The following TRIM5 variants were observed in gnomAD, a reference collection of about 807,000 sequenced individuals.
TRIM5 encodes the protein tripartite motif containing 5.
A neutral mutation model predicts 35.6 loss-of-function variants in TRIM5; 31 were observed. The observed-to-expected ratio is 0.87, with a 90% CI of 0.65 to 1.18. The LOEUF is 1.18. Among genes scored for constraint, TRIM5 ranks in the 50% most tolerant of loss-of-function variants. The pLI is 0.00. For synonymous variants in TRIM5, 243 were observed against 215.6 expected (o/e 1.13, Z -1.11); for missense variants, 609 against 591.6 (o/e 1.03, Z -0.31).
downstream of TRIM5, among the ~76,000 whole-genome samples, chr11:5,661,428 C>T (rs893395428): frequency 7.9e-5 from 12 of 152,122 alleles, no homozygotes; most frequent in Non-Finnish European, 1.6e-4. Flanking sequence ...TTTGTCCTCC[C>T]ACTGGTTTCT....
At chr11:5,645,639 G>A in the TRIM5 span, 1 of 157,880 alleles carries the variant, frequency 6.3e-6, no homozygotes, top group East Asian at 1.8e-4. Flanking sequence ...AAGGTCTAAT[G>A]TTTTGGGTCA....
chr11:5,670,170 C>CTTTTTTTT (rs3060972), intron 4 of TRIM5, among the ~76,000 whole-genome samples: 11 of 60,234 alleles, frequency 1.8e-4, no homozygotes, highest in African/African-American at 2.9e-4. Context: ...AGATGCCCAT[C>CTTTTTTTT]TTTTTTTTTT....
the TRIM5 span, among the ~76,000 whole-genome samples, chr11:5,657,264 G>C: frequency 6.6e-6 from 1 of 151,730 alleles, no homozygotes; most frequent in Non-Finnish European, 1.5e-5. Context: ...TGAACAATGT[G>C]AACACATGGA....
chr11:5,613,117 G>A, the TRIM5 span, among the ~76,000 whole-genome samples: 1 of 152,190 alleles, frequency 6.6e-6, no homozygotes, highest in South Asian at 2.1e-4. Flanking sequence ...ATACAGAGGA[G>A]GTTTCAAGGC....
At chr11:5,670,281 C>A (rs1005294037) in intron 4 of TRIM5, among the ~76,000 whole-genome samples, 3 of 148,280 alleles carry the variant, frequency 2.0e-5, no homozygotes, top group Middle Eastern at 3.6e-3. Flanking sequence ...GGGTTCATGC[C>A]ATTCTCCTGT....
chr11:5,648,820 T>G, the TRIM5 span, among the ~76,000 whole-genome samples: 1 of 152,210 alleles, frequency 6.6e-6, no homozygotes, highest in Admixed American at 6.5e-5. Context: ...CCATGAAATG[T>G]TTTAAAACGT....
downstream of TRIM5, among the ~76,000 whole-genome samples, chr11:5,660,801 C>T (rs184888730): frequency 9.8e-4 from 149 of 151,668 alleles, no homozygotes; most frequent in South Asian, 1.3e-3. Flanking sequence ...CCAGCACTTT[C>T]GGAGGCCGAG....
At chr11:5,660,633 T>C (rs1358152876), downstream of TRIM5, among the ~76,000 whole-genome samples, 1 of 152,186 alleles carries the variant, frequency 6.6e-6, no homozygotes, top group Non-Finnish European at 1.5e-5. Flanking sequence ...GCTTTCTTTC[T>C]CTACCAAACT....
chr11:5,650,865 T>C, the TRIM5 span, among the ~76,000 whole-genome samples: 995 of 152,326 alleles, frequency 6.5e-3, 15 homozygotes, highest in African/African-American at 0.023. Flanking sequence ...CTACAGAAGA[T>C]AGCACCTACA....
downstream of TRIM5, among the ~76,000 whole-genome samples, chr11:5,662,477 C>T (rs759772311): frequency 3.3e-5 from 5 of 152,208 alleles, no homozygotes; most frequent in Non-Finnish European, 7.3e-5. Context: ...CCTGGGCTCA[C>T]AATTCACTTA....
chr11:5,597,152 ACT>A, the TRIM5 span, among the ~76,000 whole-genome samples: 1 of 152,084 alleles, frequency 6.6e-6, no homozygotes, highest in African/African-American at 2.4e-5. Flanking sequence ...TCAAATCCTG[ACT>A]CTGACAGACA....
the TRIM5 span, chr11:5,603,230 T>C: frequency 5.0e-6 from 8 of 1,604,958 alleles, no homozygotes; most frequent in South Asian, 8.9e-5. Context: ...CTTTTTTTGT[T>C]TGTTCATCTA....
chr11:5,628,633 TC>T, the TRIM5 span, among the ~76,000 whole-genome samples: 1 of 152,180 alleles, frequency 6.6e-6, no homozygotes, highest in African/African-American at 2.4e-5. Context: ...TGGGAAAGAT[TC>T]CTAAGTTGTC....
chr11:5,639,793 GATTTACT>G, the TRIM5 span, among the ~76,000 whole-genome samples: 1 of 150,048 alleles, frequency 6.7e-6, no homozygotes, highest in Non-Finnish European at 1.5e-5. Flanking sequence ...AAAAGAGAGA[GATTTACT>G]ATTTTCTTTC....
At chr11:5,648,856 A>T in the TRIM5 span, among the ~76,000 whole-genome samples, 2 of 152,248 alleles carry the variant, frequency 1.3e-5, no homozygotes, top group Non-Finnish European at 2.9e-5. Context: ...TCTTTGATTT[A>T]TTCAACCAAT....
At chr11:5,643,957 T>C in the TRIM5 span, 1 of 519,446 alleles carries the variant, frequency 1.9e-6, no homozygotes, top group East Asian at 3.2e-5. Context: ...ATAACATCCT[T>C]GCCTTCCCAT....
the TRIM5 span, chr11:5,605,487 G>C: frequency 6.2e-7 from 1 of 1,614,202 alleles, no homozygotes; most frequent in Non-Finnish European, 8.5e-7. Context: ...GAATGATCTG[G>C]TCCACCAGAC....
At chr11:5,596,485 G>C in the TRIM5 span, among the ~76,000 whole-genome samples, 3 of 139,394 alleles carry the variant, frequency 2.2e-5, no homozygotes, top group African/African-American at 5.2e-5. Flanking sequence ...TGGATTCAGA[G>C]TCAGCATCCC....
chr11:5,664,470 G>C lies in TRIM5; in HGVS notation c.*339C>G, dbSNP rs1299438016. 1 of 1,038,030 alleles carries C rather than the reference G, an allele frequency of 9.6e-7. No individual in the cohort carries two copies. Among genetic ancestry groups the C allele is most frequent in the Non-Finnish European group, 1.2e-6 (1 of 862,834 alleles). 64.3% of individuals were successfully genotyped at this position (1,038,030 alleles called of 1,614,324 possible). ...GATGATATAGAAAGGCTGTTGAAAA[G>C]CTTTTCTTCATCTTCTTAGTCAGTG... On this transcript the variant is annotated 3_prime_UTR_variant, in exon 8 of 8. Transcript: ENST00000380034.
Sources: allele counts gnomAD v4.1 joint callset (sites outside exome capture counted in the v4.1 genomes callset), GRCh38; gene constraint gnomAD v4.1.1; transcripts MANE v1.5; gene names NCBI Gene and HGNC (gene_info 2026-07-23, HGNC 2026-07-21).